NR2C1: variants seen among roughly 807,000 people sequenced by gnomAD.
The protein encoded by NR2C1 is TR2 nuclear hormone receptor.
Under a neutral mutation model 74.8 loss-of-function variants are expected in NR2C1, and 33 were observed. The ratio of observed to expected loss-of-function variants is 0.44; its 90% CI spans 0.33 to 0.59. The LOEUF is 0.59. NR2C1 is among the 20% of genes least tolerant of loss of function. The pLI is 0.02. For synonymous variants in NR2C1, 225 were observed against 240.6 expected (o/e 0.94, Z 0.60); for missense variants, 568 against 715.6 (o/e 0.79, Z 2.35).
intron 1 of NR2C1, chr12:95,072,992 G>A (rs1313296716): frequency 1.3e-5 from 2 of 152,262 alleles, no homozygotes; most frequent in Non-Finnish European, 2.9e-5. Flanking sequence ...CGCCCTGGAA[G>A]CCCCGGCGCT....
chr12:95,036,071 A>G (rs1870781390), intron 10 of NR2C1, among the ~76,000 whole-genome samples: 1 of 152,166 alleles, frequency 6.6e-6, no homozygotes, highest in African/African-American at 2.4e-5. Flanking sequence ...AAGTCAGTAA[A>G]TTTCTCAGTA....
intron 4 of NR2C1, among the ~76,000 whole-genome samples, chr12:95,059,223 AC>A (rs1422399788): frequency 4.0e-5 from 6 of 150,596 alleles, no homozygotes; most frequent in Non-Finnish European, 8.9e-5. Context: ...AATTGCTTGA[AC>A]CCAGGAGGCA....
At position 95,025,265 on chromosome 12, in the gene NR2C1, T is replaced by G; in HGVS notation, c.1532-10A>C. 1 of 1,416,420 alleles carries G rather than the reference T, an allele frequency of 7.1e-7. No individual in the cohort carries two copies. Among genetic ancestry groups the G allele is most frequent in the Admixed American group, 1.8e-5 (1 of 54,956 alleles). 87.7% of individuals were successfully genotyped at this position (1,416,420 alleles called of 1,614,324 possible). On this transcript the variant is annotated splice_polypyrimidine_tract_variant and intron_variant, in intron 12 of 13. Transcript: ENST00000333003. ...TCTAGGCTTGGATGATCTGAAACAT[T>G]AAAGAAAACATTGGTACCCTAGTTC...
chr12:95,073,578 T>C lies in NR2C1; in HGVS notation c.-206A>G, dbSNP rs7397218. The C allele has an allele frequency of 0.045, 6,819 of 152,356 alleles. 208 individuals are homozygous for C. Among genetic ancestry groups the C allele is most frequent in the Middle Eastern group, 0.092 (27 of 294 alleles). 9.4% of individuals were successfully genotyped at this position (152,356 alleles called of 1,614,324 possible). ...CAGAGTTCGTGACCTCTTTCTCGGC[T>C]CGGCGGCGCGCTATCCCGCCAGCGC... On this transcript the variant is annotated 5_prime_UTR_variant, in exon 1 of 14. Transcript: ENST00000333003.
chr12:95,064,025 CAAAAAAAAAA>C (rs36124945), intron 2 of NR2C1, among the ~76,000 whole-genome samples: 1,003 of 69,492 alleles, frequency 0.014, 18 homozygotes, highest in African/African-American at 0.055. Flanking sequence ...GACTCTGCCT[CAAAAAAAAAA>C]AAAAAAAAAA....
chr12:95,055,999 G>A (rs1873799909), intron 7 of NR2C1, among the ~76,000 whole-genome samples: 1 of 151,042 alleles, frequency 6.6e-6, no homozygotes. Flanking sequence ...AGGTAGGGAG[G>A]CTCATGCACA....
chr12:95,021,109 G>A lies in NR2C1; in HGVS notation c.*1120C>T, dbSNP rs1229964648. On this transcript the variant is annotated 3_prime_UTR_variant, in exon 14 of 14. Transcript: ENST00000333003. ...GCTCTAACTCAGGTCAGAAAAGTGG[G>A]AGAGAGATCAGATCCTTTTTATGGA... The A allele has an allele frequency of 6.6e-6, 1 of 152,138 alleles. No individual in the cohort carries two copies. Among genetic ancestry groups the A allele is most frequent in the Non-Finnish European group, 1.5e-5 (1 of 68,020 alleles). The allele number at this position is 152,138 out of a possible 1,614,324, so 9.4% of individuals were successfully genotyped here.
At chr12:95,055,446 A>C (rs1873690487) in intron 7 of NR2C1, among the ~76,000 whole-genome samples, 1 of 152,088 alleles carries the variant, frequency 6.6e-6, no homozygotes, top group Non-Finnish European at 1.5e-5. Flanking sequence ...TACATGCTAA[A>C]GCCCAAACTG....
rs138932174 is a variant in NR2C1, at chr12:95,061,136, G to A, written c.286-1152C>T. On this transcript the variant is annotated intron_variant, in intron 3 of 13. Transcript: ENST00000333003. ...AATATACCTGGCCAGTACTCCTCAC[G>A]TAATTGTCAAGGTCATCAAAAACAA... Among the ~76,000 whole-genome samples the A allele has an allele frequency of 1.7e-3, 253 of 152,252 alleles. 1 individual carries two copies. Among genetic ancestry groups the A allele is most frequent in the African/African-American group, 5.4e-3 (223 of 41,550 alleles).
chr12:95,029,748 G>A lies in NR2C1; in HGVS notation c.1394-1224C>T, dbSNP rs1026997222. ...ATTTTTTTGTATTTTTAGTAGAGAC[G>A]GAGTTTCACCATGTTTGCCGGGCTG... On this transcript the variant is annotated intron_variant, in intron 11 of 13. Coordinates refer to ENST00000333003, the MANE Select transcript of NR2C1 (RefSeq NM_003297.4). 4.0e-5 allele frequency among the ~76,000 whole-genome samples: 6 copies of A among 151,784 alleles called. No homozygotes were observed. The South Asian group carries it at 1.0e-3, about 26-fold the overall frequency.
chr12:95,022,533 A>G, intron 13 of NR2C1, 130 bp from the exon 14 acceptor site: 1 of 783,394 alleles, frequency 1.3e-6, no homozygotes, highest in Non-Finnish European at 2.1e-6. Flanking sequence ...TTAAAATCAA[A>G]ACTTTAGTAT....
chr12:95,060,020 GA>G (rs1394864944), intron 3 of NR2C1, 36 bp from the exon 4 acceptor site: 9 of 1,417,758 alleles, frequency 6.3e-6, no homozygotes, highest in Non-Finnish European at 8.4e-6. Flanking sequence ...AAACAAAAAC[GA>G]AAACCTGTTG....
chr12:95,027,771 T>C (rs1869543443), intron 12 of NR2C1, among the ~76,000 whole-genome samples: 1 of 152,136 alleles, frequency 6.6e-6, no homozygotes, highest in Admixed American at 6.6e-5. Context: ...GTTTTTAGTA[T>C]GAATATACTG....
chr12:95,046,222 T>C (rs1212452487), intron 9 of NR2C1, among the ~76,000 whole-genome samples: 1 of 152,184 alleles, frequency 6.6e-6, no homozygotes, highest in African/African-American at 2.4e-5. Context: ...TTCTCCCTAC[T>C]ACCAAGATTG....
intron 10 of NR2C1, among the ~76,000 whole-genome samples, chr12:95,036,484 C>CT (rs1332469939): frequency 1.3e-5 from 2 of 151,190 alleles, no homozygotes; most frequent in Non-Finnish European, 2.9e-5. Context: ...GTATTTTTCT[C>CT]TAACTACTAC....
intron 11 of NR2C1, 133 bp downstream of exon 11, chr12:95,031,216 T>C: frequency 1.4e-6 from 1 of 731,860 alleles, no homozygotes; most frequent in Non-Finnish European, 2.0e-6. Flanking sequence ...GTAAAAATTA[T>C]CTAAAGTAAG....
intron 10 of NR2C1, 42 bp from the exon 11 acceptor site, chr12:95,031,530 A>ATTAAAAACAGT: frequency 6.7e-7 from 1 of 1,490,914 alleles, no homozygotes; most frequent in Non-Finnish European, 9.0e-7. Flanking sequence ...GATATTATTA[A>ATTAAAAACAGT]AATAAGTTTT....
At chr12:95,027,102 T>C (rs1869460881) in intron 12 of NR2C1, among the ~76,000 whole-genome samples, 1 of 152,208 alleles carries the variant, frequency 6.6e-6, no homozygotes, top group Non-Finnish European at 1.5e-5. Flanking sequence ...TCACCCAGGC[T>C]AGAATGCAGC....
intron 8 of NR2C1, among the ~76,000 whole-genome samples, chr12:95,050,018 T>A (rs1872768557): frequency 6.6e-6 from 1 of 152,018 alleles, no homozygotes; most frequent in Non-Finnish European, 1.5e-5. Flanking sequence ...AAGGCTGGTC[T>A]CCCAACTCCT....
Sources: allele counts gnomAD v4.1 joint callset (sites outside exome capture counted in the v4.1 genomes callset), GRCh38; gene constraint gnomAD v4.1.1; transcripts MANE v1.5; gene names NCBI Gene and HGNC (gene_info 2026-07-23, HGNC 2026-07-21).